INPP5D: variants seen among roughly 807,000 people sequenced by gnomAD.
INPP5D encodes the protein inositol polyphosphate-5-phosphatase D.
In INPP5D, 33 loss-of-function variants were observed where a neutral mutation model predicts 122.9. The ratio of observed to expected loss-of-function variants is 0.27; its 90% confidence interval spans 0.20 to 0.36. The LOEUF (loss-of-function observed/expected upper bound fraction) is 0.36. INPP5D is among the 10% of genes least tolerant of loss of function. The probability of loss-of-function intolerance (pLI) is 1.00; values close to 1 mark genes in which losing one functional copy is unlikely to be tolerated. For synonymous variants in INPP5D, 584 were observed against 576.2 expected, an observed-to-expected ratio of 1.01 and a Z score of -0.19; for missense variants, 1,053 against 1,412.7, an observed-to-expected ratio of 0.75 and a Z score of 4.08.
intron 21 of INPP5D, 110 bp downstream of exon 21, chr2:233,186,035 CAT>C (rs1381036562): frequency 7.5e-7 from 1 of 1,330,398 alleles, no homozygotes; most frequent in Non-Finnish European, 9.7e-7. Context: ...GCAGGAATCT[CAT>C]AGACCAAATG....
chr2:233,195,690 A>C (rs1574803036), intron 24 of INPP5D, among the ~76,000 whole-genome samples, 195 bp downstream of exon 24: 1 of 151,932 alleles, frequency 6.6e-6, no homozygotes, highest in Non-Finnish European at 1.5e-5. Context: ...CTACAAAAAA[A>C]ATGTGGTGGT....
chr2:233,061,552 G>A (rs1286596918), intron 1 of INPP5D, among the ~76,000 whole-genome samples: 1 of 152,150 alleles, frequency 6.6e-6, no homozygotes, highest in East Asian at 1.9e-4. Context: ...CCCCCGAGCA[G>A]CCAGGGCCTT....
chr2:233,132,254 T>C (rs935920167), intron 5 of INPP5D, among the ~76,000 whole-genome samples: 4 of 152,236 alleles, frequency 2.6e-5, no homozygotes, highest in Non-Finnish European at 5.9e-5. Context: ...TGCTTCCTTG[T>C]GGAGAAAGAA....
chr2:233,102,883 G>T (rs1208393280), intron 2 of INPP5D, among the ~76,000 whole-genome samples: 1 of 149,738 alleles, frequency 6.7e-6, no homozygotes, highest in South Asian at 2.1e-4. Flanking sequence ...AAACCACAGC[G>T]CCTTCTCACT....
At position 233,126,300 on chromosome 2, in the gene INPP5D, A is replaced by G. The variant is rs1016493080; in HGVS notation, c.524+381A>G. Among the ~76,000 whole-genome samples the G allele has an allele frequency of 6.6e-5, 10 of 152,190 alleles. No homozygotes were observed. In the South Asian group the frequency reaches 1.5e-3, roughly 22 times the overall value. On this transcript the variant is annotated intron_variant, in intron 4 of 26. Coordinates refer to ENST00000445964, the MANE Select transcript of INPP5D (RefSeq NM_001017915.3). ...GTGAGAAACGCTCCATTGCCCCCCA[A>G]AGAAATCCTAATGACAGGGCTGAAG... is the stretch of plus-strand genomic sequence containing the variant.
intron 1 of INPP5D, among the ~76,000 whole-genome samples, chr2:233,067,845 A>T (rs560977924): frequency 2.6e-5 from 4 of 152,338 alleles, no homozygotes; most frequent in African/African-American, 9.6e-5. Context: ...GTCAATTCAG[A>T]TCCTTTGTAC....
At chr2:233,130,143 C>T (rs999676815) in intron 4 of INPP5D, among the ~76,000 whole-genome samples, 3 of 152,224 alleles carry the variant, frequency 2.0e-5, no homozygotes, top group African/African-American at 7.2e-5. Context: ...GATCCGCCCA[C>T]CTGGGCCTCC....
chr2:233,106,390 A>T (rs1692471144), intron 2 of INPP5D, among the ~76,000 whole-genome samples: 1 of 152,210 alleles, frequency 6.6e-6, no homozygotes, highest in Admixed American at 6.5e-5. Flanking sequence ...GGCAGATTGC[A>T]GGGGCCCAGG....
At chr2:233,062,150 T>C (rs999628363) in intron 1 of INPP5D, among the ~76,000 whole-genome samples, 6 of 152,246 alleles carry the variant, frequency 3.9e-5, no homozygotes, top group Non-Finnish European at 7.3e-5. Flanking sequence ...CTGGCCCATG[T>C]GGGTTACTTG....
chr2:233,131,286 C>T, intron 5 of INPP5D: 2 of 220,466 alleles, frequency 9.1e-6, no homozygotes, highest in Non-Finnish European at 1.5e-5. Context: ...GCTAATATGC[C>T]ATCCAAAGAA....
chr2:233,134,534 ATGT>A (rs761876196), intron 5 of INPP5D, among the ~76,000 whole-genome samples: 3 of 152,128 alleles, frequency 2.0e-5, no homozygotes, highest in Non-Finnish European at 2.9e-5. Flanking sequence ...CTCTGCAGAA[ATGT>A]TGTGACGATG....
intron 2 of INPP5D, among the ~76,000 whole-genome samples, chr2:233,115,293 T>C (rs936995366): frequency 6.6e-6 from 1 of 152,234 alleles, no homozygotes; most frequent in Non-Finnish European, 1.5e-5. Flanking sequence ...GGGCTCCTGC[T>C]CTGCCTGCAT....
At position 233,164,011 on chromosome 2, in the gene INPP5D, G is replaced by T. The variant is rs1317547327; in HGVS notation, c.1437+108G>T. 3 of 1,471,570 alleles carry T rather than the reference G, an allele frequency of 2.0e-6. No homozygotes were observed. The highest frequency in any genetic ancestry group is 2.8e-5 in the African/African-American group (2 of 70,286). The allele number at this position is 1,471,570 out of a possible 1,614,324, so 91.2% of individuals were successfully genotyped here. A position where few individuals can be genotyped will look rare whatever the true frequency, so the allele number is the denominator to read the frequency against. Reference sequence around the variant, plus strand: ...CAGCCTATCAGCTCTCAGTTTTCAAGGATGTCTGGAGGCCCCCACTGAGAG... The same window carrying T: ...CAGCCTATCAGCTCTCAGTTTTCAATGATGTCTGGAGGCCCCCACTGAGAG... On this transcript the variant is annotated intron_variant, in intron 12 of 26. Coordinates refer to ENST00000445964, the MANE Select transcript of INPP5D (RefSeq NM_001017915.3). This position sits in a 1 kb window ranked among gnomAD's most constrained non-coding sequence, Gnocchi z 4.3.
At chr2:233,147,631 C>G in intron 9 of INPP5D, 37 bp downstream of exon 9, 1 of 699,378 alleles carries the variant, frequency 1.4e-6, no homozygotes. Context: ...CTGCCCCTCA[C>G]CTGCCTGTGG....
At position 233,079,380 on chromosome 2, in the gene INPP5D, T is replaced by C. The variant is rs2106209682; in HGVS notation, c.180T>C (p.Asp60=). The C allele has an allele frequency of 6.2e-7, 1 of 1,602,660 alleles. No homozygotes were observed. The highest frequency in any genetic ancestry group is 1.1e-5 in the South Asian group (1 of 90,866). ...CTTACAGAATTCTGCCCAATGAAGA[T>C]GATAAATTCACTGTTCAGGTGAGTC... ...VYTYRILPNE[D]DKFTVQASEG... Residue 60 remains aspartate (D), a synonymous_variant, in exon 2 of 27, where the codon GAT becomes GAC. Transcript: ENST00000445964.
intron 1 of INPP5D, among the ~76,000 whole-genome samples, chr2:233,077,253 A>G (rs976415701): frequency 7.2e-5 from 11 of 152,232 alleles, no homozygotes; most frequent in African/African-American, 2.7e-4. Flanking sequence ...ACAAACAGGA[A>G]TAGGAAATCT....
At chr2:233,130,440 G>A in intron 4 of INPP5D, 68 bp from the exon 5 acceptor site, 2 of 1,531,970 alleles carry the variant, frequency 1.3e-6, no homozygotes, top group Non-Finnish European at 1.8e-6. Flanking sequence ...TGTGGTTGCT[G>A]TTCCCATTGG....
In INPP5D at chr2:233,146,189, A is replaced by C; in HGVS notation, c.781A>C (p.Met261Leu). Residue 261 changes from methionine to leucine, a missense_variant, in exon 7 of 27, where the codon ATG becomes CTG. Met to Leu is a conservative substitution (Grantham distance 15). Coordinates refer to ENST00000445964, the MANE Select transcript of INPP5D (RefSeq NM_001017915.3). Reference protein sequence around the residue: ...QVPGEANPINMVSKLSQLTSL... With the variant: ...QVPGEANPINLVSKLSQLTSL... ...TCCTGGTGAGGCCAATCCCATCAACATGGTGTCCAAGCTCAGCCAACTGAC... is the reference window on the plus strand; with the variant it reads ...TCCTGGTGAGGCCAATCCCATCAACCTGGTGTCCAAGCTCAGCCAACTGAC... 2.8e-6 allele frequency: 2 copies of C among 704,184 alleles called. No homozygotes were observed. Among genetic ancestry groups the C allele is most frequent in the Non-Finnish European group, 5.2e-6 (2 of 384,970 alleles). The allele number at this position is 704,184 out of a possible 1,614,324, so 43.6% of individuals were successfully genotyped here.
intron 6 of INPP5D, chr2:233,141,124 T>C (rs1187185929): frequency 6.6e-6 from 1 of 152,116 alleles, no homozygotes; most frequent in Non-Finnish European, 1.5e-5. Context: ...TCCTCTGCTG[T>C]TGGGAATGGA....
Sources: gnomAD v4.1 joint callset for allele counts (sites outside exome capture counted in the v4.1 genomes callset) on GRCh38, gnomAD v4.1.1 for gene constraint, Gnocchi (gnomAD v3.1) non-coding constraint, MANE v1.5 for transcripts, NCBI Gene and HGNC (gene_info 2026-07-23, HGNC 2026-07-21) for gene names.